The following TBC1D15 variants were observed in gnomAD, a reference collection of about 807,000 sequenced individuals.
TBC1D15 encodes TBC1 domain family member 15, also known as GAP for RAB7.
In TBC1D15, 39 loss-of-function variants were observed where a neutral mutation model predicts 95.4. The observed-to-expected ratio is 0.41, with a 90% CI of 0.32 to 0.53. TBC1D15 has a LOEUF of 0.53. TBC1D15 is among the 20% of genes least tolerant of loss of function. The pLI is 0.29. For missense variants in TBC1D15, 733 were observed against 794.3 expected (o/e 0.92, Z 0.93); for synonymous variants, 258 against 261.3 (o/e 0.99, Z 0.12).
At chr12:71,851,135 A>G (rs1312702093) in intron 1 of TBC1D15, among the ~76,000 whole-genome samples, 1 of 152,126 alleles carries the variant, frequency 6.6e-6, no homozygotes, top group African/African-American at 2.4e-5. Context: ...GGAAACTTAC[A>G]TTCATGGTGG....
At chr12:71,885,707 TC>T (rs1306259616) in intron 5 of TBC1D15, among the ~76,000 whole-genome samples, 2 of 152,042 alleles carry the variant, frequency 1.3e-5, no homozygotes, top group African/African-American at 2.4e-5. Context: ...CTTTGGGAGT[TC>T]CTGGGAAGGA....
intron 14 of TBC1D15, 140 bp from the exon 15 acceptor site, chr12:71,920,591 C>T: frequency 2.9e-6 from 2 of 691,668 alleles, no homozygotes; most frequent in Non-Finnish European, 5.1e-6. Context: ...CCCTCATTTC[C>T]TAGCTAGAAA....
intron 1 of TBC1D15, chr12:71,854,738 A>G (rs1329093842): frequency 4.4e-6 from 2 of 456,168 alleles, no homozygotes; most frequent in African/African-American, 4.0e-5. Context: ...AGTCTGTATA[A>G]TCTTCCAAAA....
At chr12:71,894,553 G>T in intron 6 of TBC1D15, 133 bp from the exon 7 acceptor site, 1 of 1,087,112 alleles carries the variant, frequency 9.2e-7, no homozygotes, top group Non-Finnish European at 1.3e-6. Context: ...ACAAATTTAA[G>T]ATAATCTTAG....
chr12:71,879,243 C>T (rs1036473542), intron 3 of TBC1D15, among the ~76,000 whole-genome samples: 1 of 151,952 alleles, frequency 6.6e-6, no homozygotes, highest in African/African-American at 2.4e-5. Context: ...AGCTATTCTC[C>T]TGCCTCAGCC....
At chr12:71,879,973 T>C (rs1053614847) in intron 3 of TBC1D15, among the ~76,000 whole-genome samples, 1 of 152,230 alleles carries the variant, frequency 6.6e-6, no homozygotes. Flanking sequence ...TGGAAAATTC[T>C]ATAGAACTAT....
chr12:71,897,819 T>C, intron 9 of TBC1D15, 28 bp from the exon 10 acceptor site: 1 of 1,561,776 alleles, frequency 6.4e-7, no homozygotes, highest in Non-Finnish European at 8.8e-7. Flanking sequence ...TCAAATAGCT[T>C]TCTTTGATGT....
At chr12:71,863,731 C>T (rs542587680) in intron 1 of TBC1D15, among the ~76,000 whole-genome samples, 2 of 152,030 alleles carry the variant, frequency 1.3e-5, no homozygotes, top group African/African-American at 4.8e-5. Flanking sequence ...TTTTTTTTCC[C>T]CTCACTGAAT....
chr12:71,893,322 C>T lies in TBC1D15; in HGVS notation c.655C>T (p.Gln219Ter). Reference sequence around the variant, plus strand: ...TGATGAGCCAGCATATGGTTTAATACAAGTATGTTCCTTAAATCTATCCTG... The same window carrying T: ...TGATGAGCCAGCATATGGTTTAATATAAGTATGTTCCTTAAATCTATCCTG... ...LLDEPAYGLI[Q>*]KIKKDPYTAT... The change falls in exon 6 of 17, where the codon CAA becomes TAA. Residue 219 changes from glutamine (Q) to a stop codon, truncating the protein, a stop_gained and splice_region_variant. Transcript: ENST00000485960. LOFTEE classifies it high-confidence loss of function. The T allele has an allele frequency of 6.2e-7, 1 of 1,600,624 alleles. No individual in the cohort carries two copies. The highest frequency in any genetic ancestry group is 8.5e-7 in the Non-Finnish European group (1 of 1,170,340).
chr12:71,914,913 A>G (rs17110407), intron 12 of TBC1D15, among the ~76,000 whole-genome samples: 9 of 151,562 alleles, frequency 5.9e-5, no homozygotes, highest in Non-Finnish European at 8.9e-5. Flanking sequence ...GCTTGTGGCT[A>G]TTTCCCCAAA....
rs576021714 is a variant in TBC1D15, at chr12:71,891,475, T to C, written c.555-1747T>C. Among the ~76,000 whole-genome samples, 3 of 152,270 alleles carry C rather than the reference T, an allele frequency of 2.0e-5. No homozygotes were observed. In the East Asian group the frequency reaches 5.8e-4, roughly 29 times the overall value. The stretch of plus-strand genomic sequence containing the variant: ...CCAGAATATATATTTATAGATTAAA[T>C]CAGTGTGGTGACCCAGCAGGTGGAA... On this transcript the variant is annotated intron_variant, in intron 5 of 16. Transcript: ENST00000485960.
At chr12:71,882,843 C>T (rs1281340317) in intron 4 of TBC1D15, among the ~76,000 whole-genome samples, 2 of 152,062 alleles carry the variant, frequency 1.3e-5, no homozygotes, top group Non-Finnish European at 2.9e-5. Flanking sequence ...GAATATTTGT[C>T]AGGGCTTTAA....
intron 1 of TBC1D15, chr12:71,849,811 C>A: frequency 1.8e-6 from 1 of 550,244 alleles, no homozygotes; most frequent in South Asian, 1.5e-5. Context: ...ATATCTGTTT[C>A]TAACTCTAAT....
At chr12:71,908,255 A>T (rs1301137141) in intron 11 of TBC1D15, among the ~76,000 whole-genome samples, 1 of 152,194 alleles carries the variant, frequency 6.6e-6, no homozygotes, top group Non-Finnish European at 1.5e-5. Context: ...AACTTAAGGA[A>T]CCATTATTTT....
At chr12:71,879,250 A>G (rs1291595575) in intron 3 of TBC1D15, among the ~76,000 whole-genome samples, 1 of 151,766 alleles carries the variant, frequency 6.6e-6, no homozygotes, top group Non-Finnish European at 1.5e-5. Flanking sequence ...CTCCTGCCTC[A>G]GCCTCTCGAG....
At chr12:71,917,588 T>C (rs1216157272) in intron 12 of TBC1D15, 110 bp from the exon 13 acceptor site, 2 of 602,004 alleles carry the variant, frequency 3.3e-6, no homozygotes, top group South Asian at 3.3e-5. Flanking sequence ...AGATTACCAG[T>C]GTGGTATAAG....
At position 71,918,494 on chromosome 12, in the gene TBC1D15, T is replaced by C. The variant is rs567049369; in HGVS notation, c.1545T>C (p.Leu515=). ...ACCTTTATTTTTGCTTCAGGTGGCTTTTAATCAGATTCAAAAGGGAATTTA... is the reference window on the plus strand; with the variant it reads ...ACCTTTATTTTTGCTTCAGGTGGCTCTTAATCAGATTCAAAAGGGAATTTA... ...SGYLYFCFRW[L]LIRFKREFSF... is the part of the protein sequence containing the mutation. The change falls in exon 14 of 17, where the codon CTT becomes CTC. Residue 515 remains leucine, a synonymous_variant. Coordinates refer to ENST00000485960, the MANE Select transcript of TBC1D15 (RefSeq NM_001146213.3). The C allele has an allele frequency of 1.2e-6, 2 of 1,609,998 alleles. No individual in the cohort carries two copies. Among genetic ancestry groups the C allele is most frequent in the South Asian group, 2.2e-5 (2 of 89,842 alleles).
At chr12:71,897,759 A>G (rs1012165097) in intron 9 of TBC1D15, 88 bp from the exon 10 acceptor site, 2 of 897,780 alleles carry the variant, frequency 2.2e-6, no homozygotes, top group Non-Finnish European at 3.6e-6. Context: ...AAATGCTTTG[A>G]TATACTGTTT....
At chr12:71,854,268 T>TTTATTA (rs1329629361) in intron 1 of TBC1D15, among the ~76,000 whole-genome samples, 1 of 152,124 alleles carries the variant, frequency 6.6e-6, no homozygotes, top group Non-Finnish European at 1.5e-5. Flanking sequence ...TTTAGTTTAG[T>TTTATTA]TTATTATTAT....
Sources: gnomAD v4.1 joint callset for allele counts (sites outside exome capture counted in the v4.1 genomes callset) on GRCh38, gnomAD v4.1.1 for gene constraint, MANE v1.5 for transcripts, NCBI Gene and HGNC (gene_info 2026-07-23, HGNC 2026-07-21) for gene names.